GABRR1: variants seen among roughly 807,000 people sequenced by gnomAD.
GABRR1 encodes the protein gamma-aminobutyric acid type A receptor subunit rho1, also known as gamma-aminobutyric acid receptor subunit rho-1.
In GABRR1, 59 loss-of-function variants were observed where a neutral mutation model predicts 55.5. The observed-to-expected ratio is 1.06, with a 90% CI of 0.86 to 1.32. The LOEUF (loss-of-function observed/expected upper bound fraction) is 1.32. GABRR1 is among the 40% of genes most tolerant of loss of function. GABRR1 has a pLI of 0.00. For missense variants in GABRR1, 602 were observed against 619.1 expected, an observed-to-expected ratio of 0.97 and a Z score of 0.29; for synonymous variants, 213 against 226.0, an observed-to-expected ratio of 0.94 and a Z score of 0.51.
At chr6:89,187,892 T>C (rs545321903) in intron 6 of GABRR1, among the ~76,000 whole-genome samples, 20 of 152,364 alleles carry the variant, frequency 1.3e-4, no homozygotes, top group Non-Finnish European at 1.9e-4. Flanking sequence ...TGGGTTGTTT[T>C]CATGTTTTAG....
At chr6:89,213,966 T>C (rs1435409605) in intron 1 of GABRR1, among the ~76,000 whole-genome samples, 12 of 24,806 alleles carry the variant, frequency 4.8e-4, no homozygotes, top group Admixed American at 3.4e-3. Context: ...AACTTTATTG[T>C]ATTTGTTCAT....
intron 5 of GABRR1, among the ~76,000 whole-genome samples, chr6:89,192,076 G>A (rs1320702650): frequency 2.0e-5 from 3 of 151,974 alleles, no homozygotes; most frequent in African/African-American, 7.3e-5. Context: ...TGGCATTTGA[G>A]TGGTCAGTTT....
At chr6:89,200,241 CTTTTTTTTTTTTT>C (rs10603486) in intron 3 of GABRR1, among the ~76,000 whole-genome samples, 1 of 86,364 alleles carries the variant, frequency 1.2e-5, no homozygotes, top group Non-Finnish European at 2.1e-5. Flanking sequence ...TTCTTTTTCC[CTTTTTTTTTTTTT>C]TTTTTTTTTT....
chr6:89,198,310 GC>G, intron 4 of GABRR1, 67 bp from the exon 5 acceptor site: 1 of 1,166,418 alleles, frequency 8.6e-7, no homozygotes, highest in Non-Finnish European at 1.3e-6. Context: ...GGATTCTGTA[GC>G]CCCTGTGGAG....
At chr6:89,181,807 G>T in intron 8 of GABRR1, 98 bp downstream of exon 8, 1 of 1,214,230 alleles carries the variant, frequency 8.2e-7, no homozygotes, top group Non-Finnish European at 1.1e-6. Flanking sequence ...CGCCAAAAGG[G>T]ATACAGAATC....
At chr6:89,187,126 C>A (rs1205135506) in intron 6 of GABRR1, among the ~76,000 whole-genome samples, 2 of 152,020 alleles carry the variant, frequency 1.3e-5, no homozygotes, top group African/African-American at 4.8e-5. Flanking sequence ...GAGAATGGAG[C>A]GGACATGTAG....
intron 5 of GABRR1, among the ~76,000 whole-genome samples, chr6:89,193,548 C>T (rs965237323): frequency 2.0e-5 from 3 of 152,116 alleles, no homozygotes; most frequent in African/African-American, 4.8e-5. Context: ...ATTTTCTACT[C>T]CCTTCCTGCA....
rs754269663 is a variant in GABRR1, at chr6:89,217,239, C to A, written c.84G>T (p.Trp28Cys). 2.2e-5 allele frequency: 35 copies of A among 1,613,954 alleles called. No homozygotes were observed. Among genetic ancestry groups the A allele is most frequent in the Middle Eastern group, 3.3e-4 (2 of 6,084 alleles). Residue 28 changes from tryptophan (W) to cysteine (C), a missense_variant, in exon 1 of 10, where the codon TGG becomes TGT. Physicochemically the swap from Trp to Cys is radical, Grantham distance 215. Around this residue, in one of 3 missense-constraint regions of GABRR1, gnomAD observed 435 missense variants for 424.2 expected, o/e 1.03. Transcript: ENST00000454853. ...ACATCTCGTGGACTTCTCTTCCGGG[C>A]CAGTGCATTCTGCTTTCAGTGGCCA... is the stretch of plus-strand genomic sequence containing the variant. The part of the protein sequence containing the change: ...WVLATESRMH[W>C]PGREVHEMSK...
chr6:89,191,752 G>A (rs1206196678), intron 5 of GABRR1, among the ~76,000 whole-genome samples: 1 of 152,154 alleles, frequency 6.6e-6, no homozygotes, highest in Non-Finnish European at 1.5e-5. Context: ...TCACTCTTAT[G>A]TAATAGTCAA....
upstream of GABRR1, among the ~76,000 whole-genome samples, chr6:89,219,031 C>T (rs1582410143): frequency 6.6e-6 from 1 of 152,078 alleles, no homozygotes; most frequent in Non-Finnish European, 1.5e-5. Context: ...TTTGGGAGGC[C>T]AAGGTGGGAG....
chr6:89,231,226 C>A lies in GABRR1; in HGVS notation c.-421G>T, dbSNP rs539110886. 28 of 155,644 alleles carry A rather than the reference C, an allele frequency of 1.8e-4. No individual in the cohort carries two copies. The South Asian group carries it at 5.5e-3, about 30-fold the overall frequency. 9.6% of individuals were successfully genotyped at this position (155,644 alleles called of 1,614,324 possible). A position where few individuals can be genotyped will look rare whatever the true frequency, so the allele number is the denominator to read the frequency against. ...AAATGCAGAAATCACCCGTCTTCTGCGTCGCTCACGCTGGGAGCTGTAGAC... is the reference window on the plus strand; with the variant it reads ...AAATGCAGAAATCACCCGTCTTCTGAGTCGCTCACGCTGGGAGCTGTAGAC... On this transcript the variant is annotated 5_prime_UTR_variant, in exon 1 of 12. Transcript: ENST00000369451.
upstream of GABRR1, among the ~76,000 whole-genome samples, chr6:89,219,091 C>T (rs1254140303): frequency 6.6e-6 from 1 of 152,096 alleles, no homozygotes; most frequent in Non-Finnish European, 1.5e-5. Flanking sequence ...CATGGTGAAA[C>T]CCTGTCCCTA....
At chr6:89,213,006 C>T (rs1274956534) in intron 1 of GABRR1, among the ~76,000 whole-genome samples, 1 of 152,150 alleles carries the variant, frequency 6.6e-6, no homozygotes, top group East Asian at 1.9e-4. Flanking sequence ...AAACATTGCC[C>T]AGTGCCCTGG....
chr6:89,191,315 G>A (rs1398869543), intron 5 of GABRR1, among the ~76,000 whole-genome samples: 1 of 152,176 alleles, frequency 6.6e-6, no homozygotes, highest in African/African-American at 2.4e-5. Context: ...CAGGCTGGCA[G>A]CTGACTTGGA....
At chr6:89,221,009 C>T (rs553492900), upstream of GABRR1, among the ~76,000 whole-genome samples, 3 of 152,242 alleles carry the variant, frequency 2.0e-5, no homozygotes, top group South Asian at 4.1e-4. Context: ...CATGAGCCAC[C>T]GCGCCTGGCC....
intron 9 of GABRR1, among the ~76,000 whole-genome samples, 164 bp from the exon 10 acceptor site, chr6:89,179,227 T>TG (rs796452606): frequency 6.6e-6 from 1 of 151,356 alleles, no homozygotes; most frequent in African/African-American, 2.4e-5. Context: ...GTTTTTTTTT[T>TG]GGGGGGGACT....
rs146927089 is a variant in GABRR1 at position 89,199,315 on chromosome 6, G to A, written c.348+47C>T. On this transcript the variant is annotated intron_variant, in intron 4 of 9. Coordinates refer to ENST00000454853, the MANE Select transcript of GABRR1 (RefSeq NM_002042.5). ...TGCGTGGAGCTCCTGGCCCTGGACC[G>A]GCTTTGTGAATCCCCCTGCCACGGC... The A allele has an allele frequency of 4.4e-4, 683 of 1,569,376 alleles. 3 individuals carry two copies. The African/African-American group carries it at 8.1e-3, about 19-fold the overall frequency.
chr6:89,214,582 T>C (rs2127808141), intron 1 of GABRR1, among the ~76,000 whole-genome samples: 1 of 152,182 alleles, frequency 6.6e-6, no homozygotes, highest in Middle Eastern at 3.4e-3. Context: ...TGATTAAAAA[T>C]GGGTAAAGGA....
intron 5 of GABRR1, among the ~76,000 whole-genome samples, chr6:89,196,378 T>C (rs1278204118): frequency 6.6e-6 from 1 of 152,210 alleles, no homozygotes; most frequent in Non-Finnish European, 1.5e-5. Context: ...AGCATACCAA[T>C]GGTCACATAT....
Sources: allele counts gnomAD v4.1 joint callset (sites outside exome capture counted in the v4.1 genomes callset), GRCh38; gene constraint gnomAD v4.1.1; regional missense constraint gnomAD v4.1.1; transcripts MANE v1.5; gene names NCBI Gene and HGNC (gene_info 2026-07-23, HGNC 2026-07-21).